Variants in TTL observed in about 807,000 individuals in gnomAD.
TTL encodes tubulin--tyrosine ligase.
TTL carries 10 observed loss-of-function variants against 41.1 expected under a neutral mutation model. That is an observed-to-expected ratio of 0.24 (90% confidence interval 0.15 to 0.41). TTL has a LOEUF of 0.41. TTL is among the 10% of genes least tolerant of loss of function. TTL has a pLI of 1.00. For synonymous variants in TTL, 175 were observed against 175.5 expected (o/e 1.00, Z 0.02); for missense variants, 367 against 460.4 (o/e 0.80, Z 1.86).
intron 1 of TTL, chr2:112,483,904 C>G (rs907896546): frequency 7.9e-5 from 12 of 152,176 alleles, no homozygotes; most frequent in African/African-American, 2.9e-4. Flanking sequence ...TCAGGAAGAC[C>G]CTAGCAAAGA....
In TTL at chr2:112,501,315, G is replaced by A; in HGVS notation, c.579G>A (p.Glu193=). The change falls in exon 4 of 7, where the codon GAG becomes GAA. Residue 193 remains glutamate, a synonymous_variant. Transcript: ENST00000233336. ...ATCTTGAGCACCCTCTGCTGCTTGA[G>A]CCAGGTCATCGCAAGTTTGACATCC... ...QKYLEHPLLL[E]PGHRKFDIRS... 6.2e-7 allele frequency: 1 copy of A among 1,610,462 alleles called. No homozygotes were observed.
chr2:112,509,819 C>A (rs1681877103), intron 5 of TTL, among the ~76,000 whole-genome samples: 1 of 152,202 alleles, frequency 6.6e-6, no homozygotes, highest in African/African-American at 2.4e-5. Flanking sequence ...CGGAGCTGTT[C>A]CTATTCGGCC....
At chr2:112,484,487 A>G (rs1681185949) in intron 1 of TTL, among the ~76,000 whole-genome samples, 1 of 151,484 alleles carries the variant, frequency 6.6e-6, no homozygotes, top group Non-Finnish European at 1.5e-5. Flanking sequence ...CTGGTCTCGA[A>G]CTCCTGACCT....
At chr2:112,490,642 A>G (rs1681358334) in intron 2 of TTL, among the ~76,000 whole-genome samples, 1 of 135,316 alleles carries the variant, frequency 7.4e-6, no homozygotes, top group Non-Finnish European at 1.5e-5. Context: ...GCACCATCTC[A>G]GCTCACTACA....
intron 5 of TTL, among the ~76,000 whole-genome samples, chr2:112,512,689 G>T (rs777918867): frequency 6.6e-6 from 1 of 152,112 alleles, no homozygotes; most frequent in Non-Finnish European, 1.5e-5. Flanking sequence ...GAGCCATCTC[G>T]CCCGGCCCTG....
chr2:112,509,464 G>A (rs11676149), intron 5 of TTL, among the ~76,000 whole-genome samples: 4 of 152,296 alleles, frequency 2.6e-5, no homozygotes, highest in East Asian at 3.9e-4. Context: ...AGCAATCAGC[G>A]AGACTCCGTG....
intron 5 of TTL, among the ~76,000 whole-genome samples, chr2:112,503,838 GTT>G (rs1286258763): frequency 2.3e-5 from 2 of 85,458 alleles, no homozygotes; most frequent in African/African-American, 9.1e-5. Flanking sequence ...TATACTCTAA[GTT>G]TTAGGGTACA....
At chr2:112,507,565 A>G (rs1681824121) in intron 5 of TTL, among the ~76,000 whole-genome samples, 1 of 116,154 alleles carries the variant, frequency 8.6e-6, no homozygotes, top group African/African-American at 3.4e-5. Flanking sequence ...CTTTACCATT[A>G]TGTAATGGCC....
At chr2:112,514,368 C>T (rs985642718) in intron 5 of TTL, among the ~76,000 whole-genome samples, 16 of 145,448 alleles carry the variant, frequency 1.1e-4, no homozygotes, top group East Asian at 4.1e-4. Flanking sequence ...GGTGACAGAG[C>T]AAGACTCTGT....
intron 5 of TTL, among the ~76,000 whole-genome samples, chr2:112,515,504 TA>T (rs1682043466): frequency 6.6e-6 from 1 of 152,178 alleles, no homozygotes; most frequent in Non-Finnish European, 1.5e-5. Flanking sequence ...CTAAGTCTAG[TA>T]AAGATTTTTT....
rs1414452441 is a variant in TTL, at chr2:112,534,796, A to G, written c.*6001A>G. On this transcript the variant is annotated 3_prime_UTR_variant, in exon 7 of 7. Transcript: ENST00000233336. ...TTTTGAAAAGCTTCAACCTATTCCT[A>G]AGAATGCAGAAGGCCACACACATGT... 2.0e-5 allele frequency: 3 copies of G among 152,330 alleles called. No individual in the cohort carries two copies. In the South Asian group the frequency reaches 6.2e-4, roughly 32 times the overall value. 9.4% of individuals were successfully genotyped at this position (152,330 alleles called of 1,614,324 possible). A position where few individuals can be genotyped will look rare whatever the true frequency, so the allele number is the denominator to read the frequency against.
intron 6 of TTL, among the ~76,000 whole-genome samples, chr2:112,523,206 C>G (rs1682287407): frequency 6.6e-6 from 1 of 152,178 alleles, no homozygotes; most frequent in African/African-American, 2.4e-5. Flanking sequence ...CTGGCTTCTT[C>G]TTTACCAAAA....
Position 112,496,194 on chromosome 2 carries a change from C to A in TTL, c.469+1819C>A, listed in dbSNP as rs568201926. Among the ~76,000 whole-genome samples the A allele has an allele frequency of 4.9e-3, 750 of 152,234 alleles. 1 individual carries two copies. The highest frequency in any genetic ancestry group is 0.017 in the African/African-American group (705 of 41,526). On this transcript the variant is annotated intron_variant, in intron 3 of 6. Coordinates refer to ENST00000233336, the MANE Select transcript of TTL (RefSeq NM_153712.5). ...GCCACTGTGAGGACACCTGGTGATC[C>A]CTGGACCCTCACTAAGACAAGACTC...
intron 5 of TTL, among the ~76,000 whole-genome samples, chr2:112,510,466 TTGAGA>T (rs1275845417): frequency 6.6e-6 from 1 of 152,164 alleles, no homozygotes; most frequent in Non-Finnish European, 1.5e-5. Flanking sequence ...AATAATTGAT[TTGAGA>T]TATTTCTTTT....
chr2:112,483,829 T>C (rs1681161302), intron 1 of TTL: 1 of 152,188 alleles, frequency 6.6e-6, no homozygotes, highest in African/African-American at 2.4e-5. Flanking sequence ...GAAGGACCCA[T>C]TTGAACACCC....
At position 112,530,228 on chromosome 2, in the gene TTL, T is replaced by G. The variant is rs1279313802; in HGVS notation, c.*1433T>G. 4.4e-6 allele frequency: 1 copy of G among 229,768 alleles called. No individual in the cohort carries two copies. Among genetic ancestry groups the G allele is most frequent in the Non-Finnish European group, 8.6e-6 (1 of 115,990 alleles). The allele number at this position is 229,768 out of a possible 1,614,324, so 14.2% of individuals were successfully genotyped here. A position where few individuals can be genotyped will look rare whatever the true frequency, so the allele number is the denominator to read the frequency against. On this transcript the variant is annotated 3_prime_UTR_variant, in exon 7 of 7. Transcript: ENST00000233336. Reference sequence around the variant, plus strand: ...AAAAGAGGAGAAAATCAATGCCTCCTTGAACATGATGAGATGTGAGAACTT... The same window carrying G: ...AAAAGAGGAGAAAATCAATGCCTCCGTGAACATGATGAGATGTGAGAACTT...
At chr2:112,507,760 C>G (rs1187511726) in intron 5 of TTL, among the ~76,000 whole-genome samples, 1 of 150,952 alleles carries the variant, frequency 6.6e-6, no homozygotes, top group Non-Finnish European at 1.5e-5. Flanking sequence ...TGGGTCTTGA[C>G]TCTATCCAAC....
At chr2:112,485,849 G>T in intron 1 of TTL, 68 bp from the exon 2 acceptor site, 1 of 1,359,598 alleles carries the variant, frequency 7.4e-7, no homozygotes, top group South Asian at 1.2e-5. Context: ...AGCTGGGCAT[G>T]ACACAGCTGT....
chr2:112,494,134 A>G lies in TTL; in HGVS notation c.237-9A>G, dbSNP rs114392806. On this transcript the variant is annotated splice_polypyrimidine_tract_variant and intron_variant, in intron 2 of 6. Transcript: ENST00000233336. Reference sequence around the variant, plus strand: ...GAAGGGAGGCTGATCCTCTTCTGTCATCTGCCAGGCTAATCAAGACAAGCC... The same window carrying G: ...GAAGGGAGGCTGATCCTCTTCTGTCGTCTGCCAGGCTAATCAAGACAAGCC... The G allele has an allele frequency of 6.2e-7, 1 of 1,611,388 alleles. No individual in the cohort carries two copies. Among genetic ancestry groups the G allele is most frequent in the South Asian group, 1.1e-5 (1 of 90,906 alleles).
Sources: gnomAD v4.1 joint callset for allele counts (sites outside exome capture counted in the v4.1 genomes callset) on GRCh38, gnomAD v4.1.1 for gene constraint, MANE v1.5 for transcripts, NCBI Gene and HGNC (gene_info 2026-07-23, HGNC 2026-07-21) for gene names.